Variants in IL4I1 observed in about 807,000 individuals in gnomAD.
The protein encoded by IL4I1 is L-amino-acid oxidase.
Under a neutral mutation model 29.7 loss-of-function variants are expected in IL4I1, and 24 were observed. That is an observed-to-expected ratio of 0.81 (90% confidence interval 0.59 to 1.14). The LOEUF (loss-of-function observed/expected upper bound fraction) is 1.14. Among genes scored for constraint, IL4I1 ranks in the 50% most tolerant of loss-of-function variants. The pLI, the probability that IL4I1 is intolerant of heterozygous loss-of-function variation, is 0.00. For missense variants in IL4I1, 686 were observed against 785.6 expected (o/e 0.87, Z 1.52); for synonymous variants, 371 against 352.5 (o/e 1.05, Z -0.59).
At chr19:49,925,490 A>C (rs1183116194) in intron 2 of IL4I1, among the ~76,000 whole-genome samples, 1 of 151,928 alleles carries the variant, frequency 6.6e-6, no homozygotes, top group Non-Finnish European at 1.5e-5. Flanking sequence ...CCATCCTCTC[A>C]ATATCCCGCA....
intron 2 of IL4I1, among the ~76,000 whole-genome samples, chr19:49,925,628 G>A (rs750295008): frequency 5.3e-5 from 8 of 152,134 alleles, no homozygotes; most frequent in African/African-American, 1.9e-4. Context: ...AGGAGGCTGC[G>A]GAGCCATGAT....
Position 49,890,943 on chromosome 19 carries a change from C to A in IL4I1, c.773+28G>T, listed in dbSNP as rs760405621. The A allele has an allele frequency of 1.1e-3, 653 of 591,178 alleles. 9 individuals are homozygous for A. Among genetic ancestry groups the A allele is most frequent in the Admixed American group, 3.0e-3 (73 of 23,946 alleles). 36.6% of individuals were successfully genotyped at this position (591,178 alleles called of 1,614,324 possible). A position where few individuals can be genotyped will look rare whatever the true frequency, so the allele number is the denominator to read the frequency against. On this transcript the variant is annotated intron_variant, in intron 7 of 7. Transcript: ENST00000391826. ...TTTCCCTGATTGCCCCCCGCCCCCC[C>A]CCCCTGCCCGCCAGCCCCGCCCCTT...
At chr19:49,895,210 C>T (rs1477585849) in intron 3 of IL4I1, 30 bp from the exon 4 acceptor site, 1 of 1,575,022 alleles carries the variant, frequency 6.3e-7, no homozygotes, top group Non-Finnish European at 8.7e-7. Flanking sequence ...GAGGAGGGCC[C>T]TTCAGCTCCA....
intron 1 of IL4I1, among the ~76,000 whole-genome samples, chr19:49,896,447 T>TG (rs2122533305): frequency 7.7e-6 from 1 of 129,718 alleles, no homozygotes; most frequent in South Asian, 2.6e-4. Flanking sequence ...CCTTTCTTTC[T>TG]TTTTTTTTTA....
intron 2 of IL4I1, among the ~76,000 whole-genome samples, chr19:49,905,641 G>C (rs2075312331): frequency 1.3e-5 from 2 of 152,178 alleles, no homozygotes; most frequent in Admixed American, 1.3e-4. Flanking sequence ...TTGTTGCCTA[G>C]GCTGGAGTGC....
intron 2 of IL4I1, chr19:49,909,786 C>G: frequency 1.2e-6 from 2 of 1,614,182 alleles, no homozygotes; most frequent in South Asian, 2.2e-5. Flanking sequence ...GCCCCAGTGC[C>G]TCCAAAATTA....
Position 49,890,951 on chromosome 19 carries a change from C to T in IL4I1, c.773+20G>A. 8.6e-7 allele frequency: 1 copy of T among 1,168,634 alleles called. No homozygotes were observed. The highest frequency in any genetic ancestry group is 1.1e-6 in the Non-Finnish European group (1 of 878,424). 72.4% of individuals were successfully genotyped at this position (1,168,634 alleles called of 1,614,324 possible). On this transcript the variant is annotated intron_variant, in intron 7 of 7. Transcript: ENST00000391826. ...ATTGCCCCCCGCCCCCCCCCCCTGC[C>T]CGCCAGCCCCGCCCCTTACTGGAGT... is the stretch of plus-strand genomic sequence containing the variant.
rs142348169 is a variant in IL4I1 at position 49,889,988 on chromosome 19, C to G, written c.1386G>C (p.Trp462Cys). 6 of 1,564,006 alleles carry G rather than the reference C, an allele frequency of 3.8e-6. No homozygotes were observed. The African/African-American group carries it at 8.2e-5, about 21-fold the overall frequency. The change falls in exon 8 of 8, where the codon TGG becomes TGC. Residue 462 changes from tryptophan (W) to cysteine (C), a missense_variant. Coordinates refer to ENST00000391826, the MANE Select transcript of IL4I1 (RefSeq NM_152899.2). Reference protein sequence around the residue: ...GGFVVQPPALWQTEKDDWTVP... With the variant: ...GGFVVQPPALCQTEKDDWTVP... ...CCGTCCAGTCATCCTTTTCGGTTTG[C>G]CAGAGCGCCGGCGGCTGTACCACAA...
intron 5 of IL4I1, among the ~76,000 whole-genome samples, chr19:49,893,315 G>A (rs1440979069): frequency 6.6e-6 from 1 of 151,696 alleles, no homozygotes; most frequent in African/African-American, 2.4e-5. Context: ...GAGGAGGCCT[G>A]AGCTGGGGCA....
At chr19:49,909,730 G>C (rs554368833) in intron 2 of IL4I1, 1 of 1,614,038 alleles carries the variant, frequency 6.2e-7, no homozygotes, top group African/African-American at 1.3e-5. Context: ...TAGCAGGTGT[G>C]GTTGTTGCCG....
chr19:49,926,045 C>T (rs140816328), intron 2 of IL4I1, among the ~76,000 whole-genome samples: 1,592 of 151,838 alleles, frequency 0.01, 19 homozygotes, highest in Non-Finnish European at 0.012. Flanking sequence ...CCTGTATCTA[C>T]TAAAAATATA....
At chr19:49,915,371 C>T (rs991885016) in intron 2 of IL4I1, among the ~76,000 whole-genome samples, 4 of 152,154 alleles carry the variant, frequency 2.6e-5, no homozygotes, top group African/African-American at 9.7e-5. Context: ...GACTGAGAGA[C>T]ACTGTGCTGC....
chr19:49,890,937 C>G, intron 7 of IL4I1, 34 bp downstream of exon 7: 2 of 160,020 alleles, frequency 1.2e-5, no homozygotes. Context: ...TTGCCCCCCG[C>G]CCCCCCCCCC....
intron 2 of IL4I1, chr19:49,909,905 T>C (rs908078625): frequency 5.9e-6 from 8 of 1,347,992 alleles, no homozygotes; most frequent in Admixed American, 3.8e-5. Flanking sequence ...GGAAGTGACA[T>C]TGTCAGATGG....
chr19:49,915,478 G>A (rs1290743), intron 2 of IL4I1, among the ~76,000 whole-genome samples: 127,488 of 152,246 alleles, frequency 0.84, 53,917 homozygotes, highest in East Asian at 0.96. Context: ...GAGTTTCCCA[G>A]AGGAACTACA....
rs1394551720 is a variant in IL4I1, at chr19:49,921,549, C to CA, written c.-228+6144dup. 6.6e-6 allele frequency among the ~76,000 whole-genome samples: 1 copy of CA among 152,214 alleles called. No homozygotes were observed. The highest frequency in any genetic ancestry group is 2.4e-5 in the African/African-American group (1 of 41,454). On this transcript the variant is annotated intron_variant, in intron 2 of 9. Coordinates refer to the IL4I1 transcript ENST00000341114. The surrounding 1 kb of genome is among the most constrained non-coding windows in gnomAD (Gnocchi z 5.4). ...GAAGAGAGGGGCGTCCGCTGCTCGC[C>CA]AACCCCCATACGTTCCTGCTCTGTG...
chr19:49,908,328 G>A (rs142850742), intron 2 of IL4I1: 1 of 1,614,124 alleles, frequency 6.2e-7, no homozygotes, highest in East Asian at 2.2e-5. Context: ...CTCTGCAGCA[G>A]GGCCGAGTTC....
upstream of IL4I1, among the ~76,000 whole-genome samples, chr19:49,897,410 C>T (rs574693984): frequency 4.6e-4 from 70 of 152,228 alleles, no homozygotes; most frequent in African/African-American, 1.1e-3. Context: ...GCCGTGGTCC[C>T]GGGGTCAGGA....
rs199753858 is a variant in IL4I1 at position 49,895,789 on chromosome 19, G to A, written c.252+26C>T. On this transcript the variant is annotated intron_variant, in intron 3 of 7. Coordinates refer to ENST00000391826, the MANE Select transcript of IL4I1 (RefSeq NM_152899.2). ...CCAGCCTGCAGCAGGAGGGACTCCA[G>A]GTAGACTGCAAGCAGTGCTTCCCAC... 26 of 1,428,452 alleles carry A rather than the reference G, an allele frequency of 1.8e-5. No individual in the cohort carries two copies. The African/African-American group carries it at 3.3e-4, about 18-fold the overall frequency. 88.5% of individuals were successfully genotyped at this position (1,428,452 alleles called of 1,614,324 possible).
Sources: allele counts gnomAD v4.1 joint callset (sites outside exome capture counted in the v4.1 genomes callset), GRCh38; gene constraint gnomAD v4.1.1; non-coding constraint Gnocchi (gnomAD v3.1); transcripts MANE v1.5; gene names NCBI Gene and HGNC (gene_info 2026-07-23, HGNC 2026-07-21).